The following CACNA2D1 variants were observed in gnomAD, a reference collection of about 807,000 sequenced individuals.
CACNA2D1 encodes the protein calcium voltage-gated channel auxiliary subunit alpha2delta 1, also known as voltage-dependent calcium channel subunit alpha-2/delta-1.
A neutral mutation model predicts 171.5 loss-of-function variants in CACNA2D1; 53 were observed. That is an observed-to-expected ratio of 0.31 (90% confidence interval 0.25 to 0.39). The LOEUF is 0.39. CACNA2D1 is among the 10% of genes least tolerant of loss of function. CACNA2D1 has a pLI of 1.00. For missense variants in CACNA2D1, 903 were observed against 1,299.8 expected (o/e 0.69, Z 4.69); for synonymous variants, 442 against 443.1 (o/e 1.00, Z 0.03).
intron 3 of CACNA2D1, among the ~76,000 whole-genome samples, chr7:82,260,953 CCTTT>C: frequency 6.6e-6 from 1 of 150,974 alleles, no homozygotes; most frequent in Non-Finnish European, 1.5e-5. Flanking sequence ...CATTGGACCA[CCTTT>C]TTTTTTTTTC....
chr7:82,268,825 G>A (rs1361342866), intron 3 of CACNA2D1, among the ~76,000 whole-genome samples: 1 of 151,916 alleles, frequency 6.6e-6, no homozygotes, highest in Non-Finnish European at 1.5e-5. Flanking sequence ...AATAGCATAA[G>A]ACAGGAAAAA....
Position 82,038,136 on chromosome 7 carries a change from C to T in CACNA2D1, c.979G>A (p.Ala327Thr). The change falls in exon 11 of 39, where the codon GCC (alanine) becomes ACC (threonine). Residue 327 changes from alanine to threonine, a missense_variant. Physicochemically the swap from Ala to Thr is moderately conservative, Grantham distance 58. Coordinates refer to ENST00000356860, the MANE Select transcript of CACNA2D1 (RefSeq NM_000722.4). ...TTCTTATAATCTGTAATTCCTTTGG[C>T]TGTGATATTATTCACCGCGTCTTTC... ...VLKDAVNNIT[A>T]KGITDYKKGF... 6.2e-7 allele frequency: 1 copy of T among 1,613,792 alleles called. No homozygotes were observed. Among genetic ancestry groups the T allele is most frequent in the Non-Finnish European group, 8.5e-7 (1 of 1,179,834 alleles).
At chr7:82,374,788 C>A (rs201355460) in intron 1 of CACNA2D1, among the ~76,000 whole-genome samples, 1 of 22,566 alleles carries the variant, frequency 4.4e-5, no homozygotes, top group African/African-American at 9.3e-5. Flanking sequence ...AAAAATGCCC[C>A]CCAAAAAAAG....
chr7:82,311,009 C>G (rs1325606852), intron 3 of CACNA2D1, among the ~76,000 whole-genome samples: 1 of 152,060 alleles, frequency 6.6e-6, no homozygotes, highest in Admixed American at 6.6e-5. Context: ...GTATAGACCA[C>G]ACTGTCAAAT....
At chr7:82,333,767 T>G (rs1817663343) in intron 3 of CACNA2D1, among the ~76,000 whole-genome samples, 1 of 151,260 alleles carries the variant, frequency 6.6e-6, no homozygotes, top group Non-Finnish European at 1.5e-5. Context: ...CTAGAAAAAT[T>G]CCTTGGAAAA....
At chr7:82,221,780 A>G (rs1241950499) in intron 3 of CACNA2D1, among the ~76,000 whole-genome samples, 1 of 151,772 alleles carries the variant, frequency 6.6e-6, no homozygotes, top group Non-Finnish European at 1.5e-5. Flanking sequence ...TTACCAAAAA[A>G]AAAAAAAACA....
At chr7:82,437,274 T>C (rs1231898355) in intron 1 of CACNA2D1, among the ~76,000 whole-genome samples, 1 of 152,144 alleles carries the variant, frequency 6.6e-6, no homozygotes, top group Non-Finnish European at 1.5e-5. Flanking sequence ...ATTATTTGAA[T>C]AAAATAACAT....
intron 3 of CACNA2D1, among the ~76,000 whole-genome samples, chr7:82,232,861 C>CAAAAAAAAAAAAAAAA (rs71093370): frequency 5.7e-5 from 3 of 52,450 alleles, no homozygotes; most frequent in African/African-American, 2.0e-4. Flanking sequence ...GAGATGTCTC[C>CAAAAAAAAAAAAAAAA]AAAAAAAAAA....
At chr7:82,018,998 G>A (rs1242466122) in intron 12 of CACNA2D1, among the ~76,000 whole-genome samples, 2 of 149,442 alleles carry the variant, frequency 1.3e-5, no homozygotes, top group Non-Finnish European at 3.0e-5. Context: ...GGTGGGGTGG[G>A]GGTGGGGTGG....
intron 3 of CACNA2D1, among the ~76,000 whole-genome samples, chr7:82,235,445 G>C (rs1387860977): frequency 6.6e-6 from 1 of 152,046 alleles, no homozygotes; most frequent in Non-Finnish European, 1.5e-5. Flanking sequence ...TGCTTCTAAA[G>C]CACTGGCCAC....
chr7:82,065,795 T>C (rs1273813855), intron 8 of CACNA2D1, among the ~76,000 whole-genome samples: 2 of 152,182 alleles, frequency 1.3e-5, no homozygotes, highest in Non-Finnish European at 2.9e-5. Flanking sequence ...ATATGAAAAG[T>C]GTGGGATACA....
chr7:82,181,088 G>A (rs1797095360), intron 3 of CACNA2D1, among the ~76,000 whole-genome samples: 2 of 74,238 alleles, frequency 2.7e-5, no homozygotes, highest in African/African-American at 9.2e-5. Flanking sequence ...GCGTCAGTGA[G>A]ATGAGAAACA....
At chr7:82,168,393 C>T (rs1795686049) in intron 4 of CACNA2D1, among the ~76,000 whole-genome samples, 1 of 152,134 alleles carries the variant, frequency 6.6e-6, no homozygotes, top group South Asian at 2.1e-4. Context: ...ATCCACCCAC[C>T]TTGGCCTCCC....
At chr7:82,397,234 G>GTATAACCTGTATCATTGTATTTGTACT (rs1437930322) in intron 1 of CACNA2D1, among the ~76,000 whole-genome samples, 2 of 151,970 alleles carry the variant, frequency 1.3e-5, no homozygotes, top group African/African-American at 4.8e-5. Flanking sequence ...GCCCTCACAT[G>GTATAACCTGTATCATTGTATTTGTACT]TATAACCTGT....
At chr7:82,323,753 A>T (rs1816289239) in intron 3 of CACNA2D1, among the ~76,000 whole-genome samples, 1 of 152,148 alleles carries the variant, frequency 6.6e-6, no homozygotes, top group South Asian at 2.1e-4. Context: ...CCCATGCTGC[A>T]TTACCAGAAC....
chr7:81,957,781 A>AT (rs1267417624), intron 38 of CACNA2D1, among the ~76,000 whole-genome samples: 1 of 152,162 alleles, frequency 6.6e-6, no homozygotes, highest in African/African-American at 2.4e-5. Context: ...CACACAACCC[A>AT]TTTATAGGAG....
At chr7:82,024,548 C>T (rs1328352132) in intron 12 of CACNA2D1, among the ~76,000 whole-genome samples, 1 of 151,532 alleles carries the variant, frequency 6.6e-6, no homozygotes, top group Non-Finnish European at 1.5e-5. Context: ...TATACTAACC[C>T]CTTATCAAAT....
intron 18 of CACNA2D1, among the ~76,000 whole-genome samples, chr7:82,000,823 G>A (rs1421375740): frequency 1.4e-5 from 1 of 72,782 alleles, no homozygotes; most frequent in Non-Finnish European, 2.5e-5. Context: ...TAGAGGCAGG[G>A]TTTCACTATG....
rs1215680609 is a variant in CACNA2D1, at chr7:82,064,468, C to A, written c.729-114G>T. 8.7e-6 allele frequency: 6 copies of A among 687,990 alleles called. No homozygotes were observed. The Admixed American group carries it at 1.0e-4, about 12-fold the overall frequency. The allele number at this position is 687,990 out of a possible 1,614,324, so 42.6% of individuals were successfully genotyped here. Reference sequence around the variant, plus strand: ...AGGTTTTTTTCCCCAAGCAAAGACCCACTTCTATCTAAGTAGACAATGGTT... The same window carrying A: ...AGGTTTTTTTCCCCAAGCAAAGACCAACTTCTATCTAAGTAGACAATGGTT... On this transcript the variant is annotated intron_variant, in intron 8 of 38. Transcript: ENST00000356860.
Sources: allele counts gnomAD v4.1 joint callset (sites outside exome capture counted in the v4.1 genomes callset), GRCh38; gene constraint gnomAD v4.1.1; transcripts MANE v1.5; gene names NCBI Gene and HGNC (gene_info 2026-07-23, HGNC 2026-07-21).